The following CPNE2 variants were observed in gnomAD, a reference collection of about 807,000 sequenced individuals.
The protein encoded by CPNE2 is copine-2.
Under a neutral mutation model 69.7 loss-of-function variants are expected in CPNE2, and 42 were observed. The observed-to-expected ratio is 0.60, with a 90% confidence interval of 0.47 to 0.78. The LOEUF (loss-of-function observed/expected upper bound fraction) is 0.78. Ranked by LOEUF, CPNE2 falls within the 30% of genes least tolerant of loss-of-function variation. CPNE2 has a pLI of 0.00. For missense variants in CPNE2, 587 were observed against 732.0 expected (o/e 0.80, Z 2.29); for synonymous variants, 294 against 289.8 (o/e 1.01, Z -0.15).
intron 11 of CPNE2, among the ~76,000 whole-genome samples, chr16:57,127,221 C>G (rs933622989): frequency 6.6e-6 from 1 of 152,018 alleles, no homozygotes; most frequent in Admixed American, 6.6e-5. Flanking sequence ...TTTGATTGGG[C>G]CTTAGAGGAT....
At chr16:57,138,741 G>A (rs1056365238) in intron 14 of CPNE2, among the ~76,000 whole-genome samples, 3 of 152,172 alleles carry the variant, frequency 2.0e-5, no homozygotes, top group Non-Finnish European at 2.9e-5. Flanking sequence ...CCTTCTCTCC[G>A]TGCCTGGTCC....
chr16:57,129,307 G>A (rs1347139194), intron 12 of CPNE2, among the ~76,000 whole-genome samples: 10 of 152,208 alleles, frequency 6.6e-5, no homozygotes, highest in Non-Finnish European at 1.2e-4. Flanking sequence ...TGGCTAGGGC[G>A]AGAGTGGGCA....
chr16:57,146,246 C>G lies in CPNE2; in HGVS notation c.1464C>G (p.Arg488=). The G allele has an allele frequency of 6.4e-7, 1 of 1,559,258 alleles. No homozygotes were observed. The highest frequency in any genetic ancestry group is 8.7e-7 in the Non-Finnish European group (1 of 1,150,932). ...TGGAGTTCCTGGATGGGGACAGCCG[C>G]ATGCTGCGCTCCCACACGGGGGAGG... is the stretch of plus-strand genomic sequence containing the variant. The part of the protein sequence containing the change: ...AAMEFLDGDS[R]MLRSHTGEEA... The change falls in exon 15 of 16, where the codon CGC becomes CGG. Residue 488 remains arginine, a synonymous_variant. Coordinates refer to ENST00000290776, the MANE Select transcript of CPNE2 (RefSeq NM_152727.6). This position sits in a 1 kb window ranked among gnomAD's most constrained non-coding sequence, Gnocchi z 4.4.
At chr16:57,093,719 C>T (rs1466818289) in intron 1 of CPNE2, among the ~76,000 whole-genome samples, 5 of 152,178 alleles carry the variant, frequency 3.3e-5, no homozygotes, top group South Asian at 2.1e-4. Flanking sequence ...CCAGACAAAA[C>T]GCCCTTTTTT....
At chr16:57,114,437 CG>C (rs55904831) in intron 3 of CPNE2, among the ~76,000 whole-genome samples, 11,746 of 152,168 alleles carry the variant, frequency 0.077, 488 homozygotes, top group African/African-American at 0.098. Flanking sequence ...TCCCATCAAA[CG>C]GGGGCCCCCA....
chr16:57,121,135 A>G lies in CPNE2; in HGVS notation c.724A>G (p.Ile242Val), dbSNP rs767948285. The stretch of plus-strand genomic sequence containing the variant: ...TGACAATGACGGGGGCCATGACTTC[A>G]TCGGCGAGTTCCAGACCTCAGTGTC... ...DYDNDGGHDF[I>V]GEFQTSVSQM... The change falls in exon 8 of 16, where the codon ATC (isoleucine) becomes GTC (valine). Residue 242 changes from isoleucine (I) to valine (V), a missense_variant. This residue lies in a region of CPNE2 where 269 missense variants were observed against 300.5 expected (regional missense o/e 0.90). Coordinates refer to ENST00000290776, the MANE Select transcript of CPNE2 (RefSeq NM_152727.6). The G allele has an allele frequency of 6.2e-7, 1 of 1,614,060 alleles. No individual in the cohort carries two copies. Among genetic ancestry groups the G allele is most frequent in the Non-Finnish European group, 8.5e-7 (1 of 1,179,986 alleles).
intron 1 of CPNE2, among the ~76,000 whole-genome samples, chr16:57,103,052 A>T (rs1435112950): frequency 6.6e-6 from 1 of 152,182 alleles, no homozygotes; most frequent in Non-Finnish European, 1.5e-5. Context: ...AATGCCTGGT[A>T]CTGACCGTGA....
In CPNE2 at chr16:57,134,764, C is replaced by G. The variant is rs1445534412; in HGVS notation, c.1117-11C>G. 1 of 1,613,954 alleles carries G rather than the reference C, an allele frequency of 6.2e-7. No individual in the cohort carries two copies. ...GGGAGGCTGCAGCTCAGCGTTTTCTCTGCGTTTCAGGTCTCCCATGAGTTT... is the reference window on the plus strand; with the variant it reads ...GGGAGGCTGCAGCTCAGCGTTTTCTGTGCGTTTCAGGTCTCCCATGAGTTT... On this transcript the variant is annotated splice_polypyrimidine_tract_variant and intron_variant, in intron 12 of 15. Transcript: ENST00000290776.
chr16:57,134,014 G>A (rs1567672071), intron 12 of CPNE2, among the ~76,000 whole-genome samples: 1 of 152,316 alleles, frequency 6.6e-6, no homozygotes, highest in East Asian at 1.9e-4. Flanking sequence ...CTTGGGTTCT[G>A]CAGGCACTGC....
At chr16:57,107,865 CTTT>C (rs11347830) in intron 1 of CPNE2, among the ~76,000 whole-genome samples, 13 of 98,786 alleles carry the variant, frequency 1.3e-4, no homozygotes, top group Non-Finnish European at 1.6e-4. Flanking sequence ...ACAGAGCAAT[CTTT>C]TTTTTTTTTT....
chr16:57,140,927 A>G (rs1163014622), intron 14 of CPNE2: 3 of 141,214 alleles, frequency 2.1e-5, no homozygotes, highest in Non-Finnish European at 4.5e-5. Flanking sequence ...AGAACTGGCT[A>G]GAGAGGGCAC....
intron 7 of CPNE2, 70 bp downstream of exon 7, chr16:57,119,720 G>A (rs1013412138): frequency 2.1e-5 from 22 of 1,055,826 alleles, no homozygotes; most frequent in Middle Eastern, 2.4e-4. Context: ...TGAGGCTCCC[G>A]GGGATGCCTT....
At chr16:57,120,689 C>T (rs2069755498) in intron 7 of CPNE2, among the ~76,000 whole-genome samples, 1 of 151,982 alleles carries the variant, frequency 6.6e-6, no homozygotes, top group South Asian at 2.1e-4. Context: ...ATAATCCCTG[C>T]CTTCCTCCTA....
chr16:57,113,041 A>G lies in CPNE2; in HGVS notation c.181-247A>G. On this transcript the variant is annotated intron_variant, in intron 2 of 15. Transcript: ENST00000290776. ...CCAAAGAATTAAGAGTGTGGGTAGCAGAGTCAGACCTCGGTTTCAAATCTC... is the reference window on the plus strand; with the variant it reads ...CCAAAGAATTAAGAGTGTGGGTAGCGGAGTCAGACCTCGGTTTCAAATCTC... The G allele has an allele frequency of 6.9e-6, 3 of 436,960 alleles. 1 individual carries two copies. The South Asian group carries it at 8.2e-5, about 12-fold the overall frequency. The allele number at this position is 436,960 out of a possible 1,614,324, so 27.1% of individuals were successfully genotyped here. A position where few individuals can be genotyped will look rare whatever the true frequency, so the allele number is the denominator to read the frequency against.
At chr16:57,138,652 A>AC (rs11383426) in intron 14 of CPNE2, among the ~76,000 whole-genome samples, 145,102 of 152,188 alleles carry the variant, frequency 0.95, 69,192 homozygotes, top group Middle Eastern at 0.99. Flanking sequence ...TTCCCTGACC[A>AC]CTATATGAAG....
At chr16:57,138,264 G>T (rs1289197417) in intron 14 of CPNE2, among the ~76,000 whole-genome samples, 7 of 152,044 alleles carry the variant, frequency 4.6e-5, no homozygotes, top group African/African-American at 1.7e-4. Flanking sequence ...GTCACTTCTA[G>T]AGTGTTCATT....
intron 12 of CPNE2, among the ~76,000 whole-genome samples, chr16:57,133,190 C>T (rs1478825690): frequency 6.6e-6 from 1 of 152,184 alleles, no homozygotes; most frequent in African/African-American, 2.4e-5. Flanking sequence ...AAACCTGGAG[C>T]CCAGACTGGG....
At chr16:57,120,091 G>A (rs145427759) in intron 7 of CPNE2, among the ~76,000 whole-genome samples, 4 of 151,480 alleles carry the variant, frequency 2.6e-5, no homozygotes, top group Admixed American at 6.6e-5. Context: ...TGGCCAACAT[G>A]GGAAAACCCC....
chr16:57,116,763 A>G (rs1257327619), intron 4 of CPNE2, among the ~76,000 whole-genome samples: 3 of 152,182 alleles, frequency 2.0e-5, no homozygotes, highest in African/African-American at 7.2e-5. Flanking sequence ...GCAGGGGAGA[A>G]CGGGCAACAT....
Sources: gnomAD v4.1 joint callset for allele counts (sites outside exome capture counted in the v4.1 genomes callset) on GRCh38, gnomAD v4.1.1 for gene constraint, gnomAD v4.1.1 regional missense constraint, Gnocchi (gnomAD v3.1) non-coding constraint, MANE v1.5 for transcripts, NCBI Gene and HGNC (gene_info 2026-07-23, HGNC 2026-07-21) for gene names.